The following SPON1 variants were observed in gnomAD, a reference collection of about 807,000 sequenced individuals.
SPON1 encodes the protein spondin-1.
Under a neutral mutation model 111.7 loss-of-function variants are expected in SPON1, and 52 were observed. That is an observed-to-expected ratio of 0.47 (90% CI 0.37 to 0.59). The LOEUF (loss-of-function observed/expected upper bound fraction) is 0.59, where lower values mean the gene tolerates loss of function less well. Ranked by LOEUF, SPON1 falls within the 20% of genes least tolerant of loss-of-function variation. The probability of loss-of-function intolerance (pLI) is 0.00; values close to 1 mark genes in which losing one functional copy is unlikely to be tolerated. For synonymous variants in SPON1, 410 were observed against 395.8 expected, an observed-to-expected ratio of 1.04 and a Z score of -0.43; for missense variants, 957 against 1,068.5, an observed-to-expected ratio of 0.90 and a Z score of 1.46.
chr11:14,164,749 A>G (rs1354738361), intron 6 of SPON1, among the ~76,000 whole-genome samples: 1 of 152,156 alleles, frequency 6.6e-6, no homozygotes, highest in African/African-American at 2.4e-5. Flanking sequence ...CTCCCCTAGC[A>G]GTCAGGGAGC....
intron 5 of SPON1, among the ~76,000 whole-genome samples, chr11:14,090,436 T>C (rs1849041399): frequency 6.6e-6 from 1 of 152,166 alleles, no homozygotes; most frequent in Non-Finnish European, 1.5e-5. Flanking sequence ...CGGACCCTCG[T>C]AGTGAGTGTT....
chr11:14,254,311 G>C (rs1021278652), intron 7 of SPON1, among the ~76,000 whole-genome samples: 11 of 152,184 alleles, frequency 7.2e-5, no homozygotes, highest in Non-Finnish European at 1.5e-5. Context: ...AAACTGGATA[G>C]GGTGGTAGTA....
chr11:13,992,513 G>C (rs1453836116), intron 2 of SPON1, among the ~76,000 whole-genome samples: 1 of 152,164 alleles, frequency 6.6e-6, no homozygotes, highest in African/African-American at 2.4e-5. Context: ...GGTGGGACCT[G>C]CCGAGCCAGA....
intron 5 of SPON1, among the ~76,000 whole-genome samples, chr11:14,110,056 T>G (rs956544455): frequency 6.6e-6 from 1 of 152,184 alleles, no homozygotes; most frequent in Non-Finnish European, 1.5e-5. Context: ...TGTGAAAGAC[T>G]AACAACAAAG....
At chr11:14,172,714 C>A (rs1270760865) in intron 6 of SPON1, among the ~76,000 whole-genome samples, 1 of 151,792 alleles carries the variant, frequency 6.6e-6, no homozygotes, top group African/African-American at 2.4e-5. Flanking sequence ...TCAGCATTTG[C>A]TTGTCTGTAA....
chr11:14,210,373 C>CTTTTTTTTTTTTTTT (rs79378171), intron 6 of SPON1, among the ~76,000 whole-genome samples: 7 of 133,728 alleles, frequency 5.2e-5, no homozygotes, highest in African/African-American at 8.1e-5. Context: ...TTTCTTTTTC[C>CTTTTTTTTTTTTTTT]TTTTTTTTTT....
intron 2 of SPON1, among the ~76,000 whole-genome samples, chr11:13,995,335 A>C (rs1848263001): frequency 6.6e-6 from 1 of 152,166 alleles, no homozygotes; most frequent in Admixed American, 6.5e-5. Context: ...TAAAGATACT[A>C]CCTGAGACTG....
intron 2 of SPON1, among the ~76,000 whole-genome samples, chr11:14,008,667 C>G (rs1279457942): frequency 1.3e-5 from 2 of 152,282 alleles, no homozygotes; most frequent in East Asian, 3.9e-4. Flanking sequence ...ATGGATCTCT[C>G]CATCCCTGTC....
intron 5 of SPON1, among the ~76,000 whole-genome samples, chr11:14,126,357 G>A (rs1282849600): frequency 2.0e-5 from 3 of 152,150 alleles, no homozygotes; most frequent in African/African-American, 7.2e-5. Context: ...ATTAGCACTG[G>A]TGTTTTAAGC....
intron 6 of SPON1, among the ~76,000 whole-genome samples, chr11:14,231,566 C>T (rs1420283369): frequency 6.6e-6 from 1 of 152,152 alleles, no homozygotes; most frequent in Non-Finnish European, 1.5e-5. Flanking sequence ...CCTGAGGCAA[C>T]TGATTTTTGT....
At chr11:14,154,780 A>G (rs4757233) in intron 6 of SPON1, among the ~76,000 whole-genome samples, 59,751 of 152,072 alleles carry the variant, frequency 0.39, 11,999 homozygotes, top group East Asian at 0.55. Flanking sequence ...TTCCCTTTTA[A>G]GTATAAGTTT....
intron 5 of SPON1, among the ~76,000 whole-genome samples, chr11:14,123,386 G>C (rs1847416100): frequency 6.6e-6 from 1 of 152,042 alleles, no homozygotes; most frequent in African/African-American, 2.4e-5. Context: ...AAGCTGTGTT[G>C]GGGTAAGTCT....
intron 5 of SPON1, among the ~76,000 whole-genome samples, chr11:14,091,803 C>T (rs1190282525): frequency 1.3e-5 from 2 of 152,214 alleles, no homozygotes; most frequent in East Asian, 1.9e-4. Flanking sequence ...TGAAGGGCTC[C>T]TCAAATGCCG....
At chr11:14,057,843 AC>A (rs376128417) in intron 3 of SPON1, among the ~76,000 whole-genome samples, 1,159 of 112,188 alleles carry the variant, frequency 0.01, 42 homozygotes, top group African/African-American at 0.023. Flanking sequence ...AAAAAAAAAA[AC>A]AAAACAAAAA....
chr11:14,128,112 A>G (rs1272245929), intron 5 of SPON1, among the ~76,000 whole-genome samples: 7 of 152,178 alleles, frequency 4.6e-5, no homozygotes, highest in African/African-American at 1.7e-4. Flanking sequence ...GGACCCTCCC[A>G]AATCTCATGT....
chr11:14,239,644 G>A (rs906090690), intron 6 of SPON1, among the ~76,000 whole-genome samples: 11 of 152,216 alleles, frequency 7.2e-5, no homozygotes, highest in South Asian at 4.1e-4. Flanking sequence ...AGGATTGCTT[G>A]AGCCCGGGAG....
At chr11:14,057,981 C>T (rs1848760255) in intron 3 of SPON1, among the ~76,000 whole-genome samples, 1 of 152,090 alleles carries the variant, frequency 6.6e-6, no homozygotes, top group Non-Finnish European at 1.5e-5. Context: ...TGTGCCACTG[C>T]ACTCCAGTCT....
chr11:14,147,561 G>A (rs1847736488), intron 6 of SPON1, among the ~76,000 whole-genome samples: 1 of 151,740 alleles, frequency 6.6e-6, no homozygotes, highest in Non-Finnish European at 1.5e-5. Context: ...TGGATTACAG[G>A]CACCCACCAC....
chr11:14,124,366 A>G (rs149611183), intron 5 of SPON1, among the ~76,000 whole-genome samples: 50 of 152,304 alleles, frequency 3.3e-4, no homozygotes, highest in Non-Finnish European at 6.5e-4. Flanking sequence ...CTCACCTGCC[A>G]TCTCCTCCAG....
Sources: allele counts gnomAD v4.1 joint callset (sites outside exome capture counted in the v4.1 genomes callset), GRCh38; gene constraint gnomAD v4.1.1; transcripts MANE v1.5; gene names NCBI Gene and HGNC (gene_info 2026-07-23, HGNC 2026-07-21).